The following CLDN7 variants were observed in gnomAD, a reference collection of about 807,000 sequenced individuals.
CLDN7 encodes claudin-7.
In CLDN7, 15 loss-of-function variants were observed where a neutral mutation model predicts 20.3. The ratio of observed to expected loss-of-function variants is 0.74; its 90% CI spans 0.49 to 1.14. The LOEUF is 1.14. Among genes scored for constraint, CLDN7 ranks in the 50% most tolerant of loss-of-function variants. The pLI is 0.00. For synonymous variants in CLDN7, 117 were observed against 106.1 expected (o/e 1.10, Z -0.63); for missense variants, 261 against 274.2 (o/e 0.95, Z 0.34).
At chr17:7,261,133 C>T (rs982557887) in intron 1 of CLDN7, 148 bp from the exon 2 acceptor site, 6 of 1,106,366 alleles carry the variant, frequency 5.4e-6, no homozygotes, top group Admixed American at 5.8e-5. Context: ...TGTCCAAGAC[C>T]TGGGCCAAGC....
chr17:7,260,326 A>G lies in CLDN7; in HGVS notation c.*48T>C, dbSNP rs1470084160. The G allele has an allele frequency of 1.3e-6, 2 of 1,538,942 alleles. No individual in the cohort carries two copies. The highest frequency in any genetic ancestry group is 1.4e-5 in the African/African-American group (1 of 72,878). On this transcript the variant is annotated 3_prime_UTR_variant, in exon 4 of 4. Coordinates refer to ENST00000360325, the MANE Select transcript of CLDN7 (RefSeq NM_001307.6). Reference sequence around the variant, plus strand: ...AGCTCAGCCCCAGGCCCTTTCAGGCATCTAGACACTCCCATAGCCTGTCAG... The same window carrying G: ...AGCTCAGCCCCAGGCCCTTTCAGGCGTCTAGACACTCCCATAGCCTGTCAG...
chr17:7,261,664 C>T (rs1187005783), intron 1 of CLDN7, among the ~76,000 whole-genome samples, 157 bp downstream of exon 1: 4 of 151,970 alleles, frequency 2.6e-5, no homozygotes, highest in Non-Finnish European at 5.9e-5. Flanking sequence ...CCCCGGCCCG[C>T]TCCCGCCCAG....
rs1048027010 is a variant in CLDN7 at position 7,261,543 on chromosome 17, G to A, written c.223+278C>T. The stretch of plus-strand genomic sequence containing the variant: ...CCATGGCCTGCCCGGGAATGGAGGA[G>A]GGGATGGCCCCGGCCTAAGCACCGC... On this transcript the variant is annotated intron_variant, in intron 1 of 3. Transcript: ENST00000360325. Among the ~76,000 whole-genome samples the A allele has an allele frequency of 3.3e-5, 5 of 152,308 alleles. No homozygotes were observed. The East Asian group carries it at 9.7e-4, about 29-fold the overall frequency.
chr17:7,262,518 G>T, upstream of CLDN7: 1 of 608,734 alleles, frequency 1.6e-6, no homozygotes, highest in Non-Finnish European at 2.1e-6. This position sits in a 1 kb window ranked among gnomAD's most constrained non-coding sequence, Gnocchi z 6.6. Context: ...AGGGCGTCGG[G>T]GGCGCGGCCC....
chr17:7,262,501 T>A, upstream of CLDN7: 1 of 746,376 alleles, frequency 1.3e-6, no homozygotes, highest in Non-Finnish European at 1.6e-6. The surrounding 1 kb of genome is among the most constrained non-coding windows in gnomAD (Gnocchi z 6.6). Context: ...CGCACCTGAG[T>A]ATATGTAGGG....
In CLDN7 at chr17:7,262,054, A is replaced by C; in HGVS notation, c.-11T>G. The C allele has an allele frequency of 3.1e-6, 5 of 1,590,624 alleles. No individual in the cohort carries two copies. The highest frequency in any genetic ancestry group is 4.3e-6 in the Non-Finnish European group (5 of 1,171,914). On this transcript the variant is annotated 5_prime_UTR_variant, in exon 1 of 4. Coordinates refer to ENST00000360325, the MANE Select transcript of CLDN7 (RefSeq NM_001307.6). This position sits in a 1 kb window ranked among gnomAD's most constrained non-coding sequence, Gnocchi z 6.6. ...GCCCGAATTGGCCATTTCCGCCCTC[A>C]GAAAACACTGGGGGCGCCGGGCGGG...
Position 7,260,668 on chromosome 17 carries a change from A to G in CLDN7, c.447T>C (p.Tyr149=). 1 of 1,614,248 alleles carries G rather than the reference A, an allele frequency of 6.2e-7. No individual in the cohort carries two copies. The highest frequency in any genetic ancestry group is 8.5e-7 in the Non-Finnish European group (1 of 1,180,036). Residue 149 remains tyrosine, a synonymous_variant, in exon 3 of 4, where the codon TAT becomes TAC. Coordinates refer to ENST00000360325, the MANE Select transcript of CLDN7 (RefSeq NM_001307.6). ...TAATGTTGGTAGGGATCAAAGGGTTATAAAAGTCTGTGACAATCTGATGGC... is the reference window on the plus strand; with the variant it reads ...TAATGTTGGTAGGGATCAAAGGGTTGTAAAAGTCTGTGACAATCTGATGGC... ...WYGHQIVTDF[Y]NPLIPTNIKY...
At position 7,260,852 on chromosome 17, in the gene CLDN7, G is replaced by A; in HGVS notation, c.357C>T (p.Ala119=). The change falls in exon 2 of 4, where the codon GCC becomes GCT. Residue 119 remains alanine (A), a synonymous_variant. Transcript: ENST00000360325. ...GDDKVKKARI[A]MGGGIIFIVA... ...CGATGAAAATTATGCCTCCACCCAT[G>A]GCTATACGGGCCTTCTTCACTTTGT... 5.6e-6 allele frequency: 9 copies of A among 1,614,210 alleles called. No homozygotes were observed. The highest frequency in any genetic ancestry group is 7.6e-6 in the Non-Finnish European group (9 of 1,180,022).
rs560743926 is a variant in CLDN7 at position 7,260,948 on chromosome 17, G to A, written c.261C>T (p.Ser87=). Residue 87 remains serine, a synonymous_variant, in exon 2 of 4, where the codon TCC becomes TCT. Coordinates refer to ENST00000360325, the MANE Select transcript of CLDN7 (RefSeq NM_001307.6). The stretch of plus-strand genomic sequence containing the variant: ...ACATGGCCAGGAAGCCCAGCACCAG[G>A]GAGACCACCATTAGGGCTCGAGTGG... ...LQATRALMVV[S]LVLGFLAMFV... 2.5e-6 allele frequency: 4 copies of A among 1,613,624 alleles called. No individual in the cohort carries two copies. The highest frequency in any genetic ancestry group is 3.4e-6 in the Non-Finnish European group (4 of 1,179,994).
rs1488265614 is a variant in CLDN7, at chr17:7,262,243, G to A, written c.-200C>T. 2.1e-6 allele frequency: 3 copies of A among 1,426,134 alleles called. No homozygotes were observed. In the African/African-American group the frequency reaches 4.3e-5, roughly 21 times the overall value. 88.3% of individuals were successfully genotyped at this position (1,426,134 alleles called of 1,614,324 possible). ...AATCGACCCCTCCAGTGAAGCGATGGCCTCGCGGCACAGGGAGTAGGATAC... is the reference window on the plus strand; with the variant it reads ...AATCGACCCCTCCAGTGAAGCGATGACCTCGCGGCACAGGGAGTAGGATAC... On this transcript the variant is annotated 5_prime_UTR_variant, in exon 1 of 4. Transcript: ENST00000360325. This position sits in a 1 kb window ranked among gnomAD's most constrained non-coding sequence, Gnocchi z 6.6.
At chr17:7,261,463 TGCCCCGC>T (rs958316203) in intron 1 of CLDN7, among the ~76,000 whole-genome samples, 1 of 151,878 alleles carries the variant, frequency 6.6e-6, no homozygotes, top group Non-Finnish European at 1.5e-5. Context: ...GCGCGCCCCG[TGCCCCGC>T]GCCCCGGGGC....
At position 7,261,825 on chromosome 17, in the gene CLDN7, C is replaced by T. The variant is rs775220631; in HGVS notation, c.219G>A (p.Leu73=). The change falls in exon 1 of 4, where the codon CTG becomes CTA. Residue 73 remains leucine, a synonymous_variant. Transcript: ENST00000360325. ...SCKMYDSVLA[L]SAALQATRAL... is the part of the protein sequence containing the mutation. The stretch of plus-strand genomic sequence containing the variant: ...CCGTCGGTCCCGCGGCCTTACCGGA[C>T]AGGGCGAGCACCGAGTCGTACATTT... The T allele has an allele frequency of 2.5e-6, 4 of 1,612,540 alleles. No homozygotes were observed. The African/African-American group carries it at 5.3e-5, about 22-fold the overall frequency.
rs867054456 is a variant in CLDN7 at position 7,260,886 on chromosome 17, C to A, written c.323G>T (p.Gly108Val). 6.2e-7 allele frequency: 1 copy of A among 1,614,262 alleles called. No individual in the cohort carries two copies. Among genetic ancestry groups the A allele is most frequent in the East Asian group, 2.2e-5 (1 of 44,888 alleles). ...GGCCTTCTTCACTTTGTCGTCTCCC[C>A]CACAGCGCGTGCACTTCATGCCCAT... ...ATMGMKCTRC[G>V]GDDKVKKARI... The change falls in exon 2 of 4, where the codon GGG (glycine) becomes GTG (valine). Residue 108 changes from glycine to valine, a missense_variant. Around this residue, in one of 2 missense-constraint regions of CLDN7, gnomAD observed 215 missense variants for 199.6 expected, o/e 1.08. Coordinates refer to ENST00000360325, the MANE Select transcript of CLDN7 (RefSeq NM_001307.6).
At position 7,262,395 on chromosome 17, in the gene CLDN7, C is replaced by A; in HGVS notation, c.-352G>T. ...GTCTGGGCGCGTTTCTGAGCGCCGG[C>A]AAGTCCCAAAGTATCCTGGGCTGTA... On this transcript the variant is annotated 5_prime_UTR_variant, in exon 1 of 4. Coordinates refer to ENST00000360325, the MANE Select transcript of CLDN7 (RefSeq NM_001307.6). This position sits in a 1 kb window ranked among gnomAD's most constrained non-coding sequence, Gnocchi z 6.6. The A allele has an allele frequency of 8.4e-7, 1 of 1,185,008 alleles. No individual in the cohort carries two copies. Among genetic ancestry groups the A allele is most frequent in the African/African-American group, 1.6e-5 (1 of 63,278 alleles). The allele number at this position is 1,185,008 out of a possible 1,614,324, so 73.4% of individuals were successfully genotyped here.
upstream of CLDN7, chr17:7,262,758 A>AG (rs928402219): frequency 6.6e-6 from 1 of 151,924 alleles, no homozygotes; most frequent in African/African-American, 2.4e-5. The surrounding 1 kb of genome is among the most constrained non-coding windows in gnomAD (Gnocchi z 6.6). Context: ...GCTCCGAGTC[A>AG]GCCCCTCCGG....
chr17:7,262,111 G>T lies in CLDN7; in HGVS notation c.-68C>A. 1 of 1,522,088 alleles carries T rather than the reference G, an allele frequency of 6.6e-7. No homozygotes were observed. Among genetic ancestry groups the T allele is most frequent in the Non-Finnish European group, 8.8e-7 (1 of 1,134,270 alleles). The allele number at this position is 1,522,088 out of a possible 1,614,324, so 94.3% of individuals were successfully genotyped here. ...CTACAGTAAAACAAACGACACTTGG[G>T]GGGCAGCCCCACAAAAGAAAACTTG... On this transcript the variant is annotated 5_prime_UTR_variant, in exon 1 of 4. Transcript: ENST00000360325. This position sits in a 1 kb window ranked among gnomAD's most constrained non-coding sequence, Gnocchi z 6.6.
At position 7,262,227 on chromosome 17, in the gene CLDN7, C is replaced by A; in HGVS notation, c.-184G>T. 15 of 1,432,094 alleles carry A rather than the reference C, an allele frequency of 1.0e-5. No individual in the cohort carries two copies. The highest frequency in any genetic ancestry group is 1.3e-5 in the Non-Finnish European group (14 of 1,098,524). 88.7% of individuals were successfully genotyped at this position (1,432,094 alleles called of 1,614,324 possible). A position where few individuals can be genotyped will look rare whatever the true frequency, so the allele number is the denominator to read the frequency against. ...CACCAAACTACACACAAATCGACCC[C>A]TCCAGTGAAGCGATGGCCTCGCGGC... On this transcript the variant is annotated 5_prime_UTR_variant, in exon 1 of 4. It adds an upstream start codon to the 5' untranslated region. Transcript: ENST00000360325. The surrounding 1 kb of genome is among the most constrained non-coding windows in gnomAD (Gnocchi z 6.6).
chr17:7,260,132 A>G lies in CLDN7; in HGVS notation c.*242T>C. The G allele has an allele frequency of 2.5e-6, 1 of 404,550 alleles. No individual in the cohort carries two copies. The highest frequency in any genetic ancestry group is 4.4e-6 in the Non-Finnish European group (1 of 227,668). The allele number at this position is 404,550 out of a possible 1,614,324, so 25.1% of individuals were successfully genotyped here. A position where few individuals can be genotyped will look rare whatever the true frequency, so the allele number is the denominator to read the frequency against. On this transcript the variant is annotated 3_prime_UTR_variant, in exon 4 of 4. Transcript: ENST00000360325. ...AAAGCAGAGGCCCTGAAGGGAAAAA[A>G]GCCTGCTTCCCAATACTTATTTTTT...
chr17:7,260,676 C>T lies in CLDN7; in HGVS notation c.439G>A (p.Asp147Asn), dbSNP rs2072194218. 1.2e-6 allele frequency: 2 copies of T among 1,614,204 alleles called. No homozygotes were observed. Among genetic ancestry groups the T allele is most frequent in the Admixed American group, 3.3e-5 (2 of 60,026 alleles). ...GTAGGGATCAAAGGGTTATAAAAGT[C>T]TGTGACAATCTGATGGCCATACCAG... ...CSWYGHQIVT[D>N]FYNPLIPTNI... is the part of the protein sequence containing the mutation. The change falls in exon 3 of 4, where the codon GAC becomes AAC. Residue 147 changes from aspartate (D) to asparagine (N), a missense_variant. By Grantham distance (23) the Asp-to-Asn change is conservative. This residue lies in a region of CLDN7 where 215 missense variants were observed against 199.6 expected (regional missense o/e 1.08). Coordinates refer to ENST00000360325, the MANE Select transcript of CLDN7 (RefSeq NM_001307.6).
Sources: gnomAD v4.1 joint callset for allele counts (sites outside exome capture counted in the v4.1 genomes callset) on GRCh38, gnomAD v4.1.1 for gene constraint, gnomAD v4.1.1 regional missense constraint, Gnocchi (gnomAD v3.1) non-coding constraint, MANE v1.5 for transcripts, NCBI Gene and HGNC (gene_info 2026-07-23, HGNC 2026-07-21) for gene names.